Variants in IFT57 observed in about 807,000 individuals in gnomAD.
IFT57 encodes intraflagellar transport protein 57 homolog.
In IFT57, 59 loss-of-function variants were observed where a neutral mutation model predicts 56.8. The observed-to-expected ratio is 1.04, with a 90% confidence interval of 0.84 to 1.29. The LOEUF (loss-of-function observed/expected upper bound fraction) is 1.29. IFT57 is among the 50% of genes most tolerant of loss of function. The pLI is 0.00. For synonymous variants in IFT57, 209 were observed against 186.1 expected (o/e 1.12, Z -1.00); for missense variants, 470 against 522.1 (o/e 0.90, Z 0.97).
At chr3:108,195,637 C>T (rs111649949) in intron 5 of IFT57, among the ~76,000 whole-genome samples, 1 of 151,948 alleles carries the variant, frequency 6.6e-6, no homozygotes, top group African/African-American at 2.4e-5. Flanking sequence ...TATTATTTAG[C>T]CATAAAAAGA....
chr3:108,207,061 T>A (rs922959561), intron 4 of IFT57, among the ~76,000 whole-genome samples: 6 of 152,036 alleles, frequency 3.9e-5, no homozygotes, highest in Non-Finnish European at 5.9e-5. Context: ...ATAGAGGGAA[T>A]TAATGGATAT....
At chr3:108,176,061 TTCTA>T (rs1185354062) in intron 6 of IFT57, among the ~76,000 whole-genome samples, 1 of 151,872 alleles carries the variant, frequency 6.6e-6, no homozygotes, top group African/African-American at 2.4e-5. Context: ...AAAACGTTAC[TTCTA>T]TCTGACATTG....
intron 6 of IFT57, among the ~76,000 whole-genome samples, chr3:108,180,863 C>A (rs1421850147): frequency 1.3e-5 from 2 of 151,988 alleles, no homozygotes; most frequent in South Asian, 2.1e-4. Context: ...TCTTTGCAAT[C>A]ATAAAATATT....
chr3:108,188,711 A>G (rs531794687), intron 6 of IFT57, among the ~76,000 whole-genome samples: 1 of 152,328 alleles, frequency 6.6e-6, no homozygotes, highest in African/African-American at 2.4e-5. Flanking sequence ...TCCCCAAATC[A>G]GGAGGACACT....
chr3:108,190,681 A>C (rs964863614), intron 6 of IFT57, among the ~76,000 whole-genome samples: 1 of 152,254 alleles, frequency 6.6e-6, no homozygotes, highest in African/African-American at 2.4e-5. Flanking sequence ...CTAATACAAC[A>C]GTATTTATCA....
chr3:108,199,854 T>C (rs1442420472), intron 5 of IFT57, among the ~76,000 whole-genome samples: 2 of 152,096 alleles, frequency 1.3e-5, no homozygotes, highest in Non-Finnish European at 2.9e-5. Flanking sequence ...ATAGAAGAGA[T>C]AGAATTTGAG....
chr3:108,213,820 T>C, intron 4 of IFT57, 111 bp downstream of exon 4: 1 of 658,856 alleles, frequency 1.5e-6, no homozygotes, highest in South Asian at 2.1e-5. Context: ...TTTTCTTCTT[T>C]AGAAACAATG....
At position 108,222,251 on chromosome 3, in the gene IFT57, C is replaced by A. The variant is rs1429040740; in HGVS notation, c.72G>T (p.Gly24=). 36 of 1,614,122 alleles carry A rather than the reference C, an allele frequency of 2.2e-5. No individual in the cohort carries two copies. The highest frequency in any genetic ancestry group is 3.0e-5 in the Non-Finnish European group (35 of 1,180,030). The change falls in exon 1 of 11, where the codon GGG becomes GGT. Residue 24 remains glycine, a synonymous_variant. Coordinates refer to ENST00000264538, the MANE Select transcript of IFT57 (RefSeq NM_018010.4). ...CCCGCTCCAAGACCACTTCCCCGGT[C>A]CCTTCGCCACGGGACCTAGGCACCC... ...EDGVPRSRGE[G]TGEVVLERGP...
chr3:108,192,716 A>G (rs1484276874), intron 5 of IFT57, among the ~76,000 whole-genome samples: 4 of 152,202 alleles, frequency 2.6e-5, no homozygotes, highest in African/African-American at 9.6e-5. Flanking sequence ...TATGAACCTT[A>G]TATGAATTCT....
chr3:108,221,897 A>T, intron 1 of IFT57: 2 of 981,094 alleles, frequency 2.0e-6, no homozygotes, highest in Non-Finnish European at 2.9e-6. Flanking sequence ...CCGTTCCAAA[A>T]CTTATTTATT....
At chr3:108,175,003 A>G (rs3792335) in intron 6 of IFT57, among the ~76,000 whole-genome samples, 12,112 of 151,902 alleles carry the variant, frequency 0.08, 776 homozygotes, top group East Asian at 0.24. Flanking sequence ...AGGCTAATTG[A>G]CTTTGGCAAA....
chr3:108,177,846 G>C (rs2080132074), intron 6 of IFT57, among the ~76,000 whole-genome samples: 1 of 151,632 alleles, frequency 6.6e-6, no homozygotes, highest in African/African-American at 2.4e-5. Context: ...CAGTATAGCA[G>C]GCAAGAGAAA....
At chr3:108,181,112 TAAA>T (rs2080149197) in intron 6 of IFT57, among the ~76,000 whole-genome samples, 1 of 152,060 alleles carries the variant, frequency 6.6e-6, no homozygotes, top group Non-Finnish European at 1.5e-5. Context: ...CAACTTGTGA[TAAA>T]CGGAACCTTT....
chr3:108,165,915 A>G (rs2108307483), intron 8 of IFT57, among the ~76,000 whole-genome samples: 2 of 152,224 alleles, frequency 1.3e-5, no homozygotes, highest in Non-Finnish European at 2.9e-5. Context: ...CCCGTAAGAC[A>G]GTACACTCAA....
At position 108,177,019 on chromosome 3, in the gene IFT57, C is replaced by T. The variant is rs564571697; in HGVS notation, c.778-9155G>A. Reference sequence around the variant, plus strand: ...TCACACAGGTCAATCCATGGTAGAGCCCAAAGTTGCAATGACCACTATATT... The same window carrying T: ...TCACACAGGTCAATCCATGGTAGAGTCCAAAGTTGCAATGACCACTATATT... On this transcript the variant is annotated intron_variant, in intron 6 of 10. Transcript: ENST00000264538. Among the ~76,000 whole-genome samples the T allele has an allele frequency of 5.3e-5, 8 of 151,736 alleles. No individual in the cohort carries two copies. In the South Asian group the frequency reaches 1.7e-3, roughly 32 times the overall value.
chr3:108,210,394 T>C (rs940215458), intron 4 of IFT57, among the ~76,000 whole-genome samples: 1 of 146,090 alleles, frequency 6.8e-6, no homozygotes, highest in Admixed American at 7.1e-5. Flanking sequence ...ACTGCAGTGG[T>C]GCAATGTTGG....
intron 6 of IFT57, among the ~76,000 whole-genome samples, chr3:108,176,537 A>G (rs2080124868): frequency 6.6e-6 from 1 of 151,868 alleles, no homozygotes; most frequent in African/African-American, 2.4e-5. Context: ...TGTACATTAA[A>G]TGAATGTTTA....
chr3:108,170,201 G>A (rs2080085557), intron 6 of IFT57, among the ~76,000 whole-genome samples: 1 of 151,990 alleles, frequency 6.6e-6, no homozygotes, highest in Non-Finnish European at 1.5e-5. Flanking sequence ...AACTGAGGAA[G>A]TCAAATTGTC....
At position 108,161,229 on chromosome 3, in the gene IFT57, T is replaced by C. The variant is rs2080030120; in HGVS notation, c.*1248A>G. On this transcript the variant is annotated 3_prime_UTR_variant, in exon 11 of 11. Coordinates refer to ENST00000264538, the MANE Select transcript of IFT57 (RefSeq NM_018010.4). Reference sequence around the variant, plus strand: ...CCATGGTGGGTTTTCTGCCTTTTTTTTTTTAAACAAATTAAATAAACTGGC... The same window carrying C: ...CCATGGTGGGTTTTCTGCCTTTTTTCTTTTAAACAAATTAAATAAACTGGC... The C allele has an allele frequency of 6.6e-6, 1 of 151,940 alleles. No individual in the cohort carries two copies. The highest frequency in any genetic ancestry group is 2.4e-5 in the African/African-American group (1 of 41,388). 9.4% of individuals were successfully genotyped at this position (151,940 alleles called of 1,614,324 possible).
Sources: gnomAD v4.1 joint callset for allele counts (sites outside exome capture counted in the v4.1 genomes callset) on GRCh38, gnomAD v4.1.1 for gene constraint, MANE v1.5 for transcripts, NCBI Gene and HGNC (gene_info 2026-07-23, HGNC 2026-07-21) for gene names.